CSMD1: variants seen among roughly 807,000 people sequenced by gnomAD.
CSMD1 encodes CUB and sushi domain-containing protein 1.
CSMD1 carries 213 observed loss-of-function variants against 417.5 expected under a neutral mutation model. That is an observed-to-expected ratio of 0.51 (90% CI 0.46 to 0.57). The LOEUF (loss-of-function observed/expected upper bound fraction) is 0.57. CSMD1 is among the 20% of genes least tolerant of loss of function. The pLI is 0.00. For synonymous variants in CSMD1, 2,862 were observed against 1,736.8 expected (o/e 1.65, Z -16.11); for missense variants, 6,923 against 4,529.7 (o/e 1.53, Z -15.17).
chr8:4,312,772 G>C (rs1285783469), intron 3 of CSMD1, among the ~76,000 whole-genome samples: 2 of 152,082 alleles, frequency 1.3e-5, no homozygotes, highest in Non-Finnish European at 2.9e-5. Context: ...TACTCCGGAG[G>C]CTGAAGCAGG....
intron 5 of CSMD1, among the ~76,000 whole-genome samples, chr8:3,944,497 T>C (rs965341087): frequency 2.0e-5 from 3 of 152,172 alleles, no homozygotes; most frequent in Non-Finnish European, 2.9e-5. Context: ...CAGATCACTT[T>C]AACCTTTAGA....
intron 3 of CSMD1, among the ~76,000 whole-genome samples, chr8:4,132,218 C>A (rs1233666412): frequency 3.2e-5 from 3 of 93,110 alleles, no homozygotes; most frequent in East Asian, 3.2e-4. Context: ...TTTTTTTTCA[C>A]GGGGTAGTAA....
At chr8:4,241,359 G>A (rs183498649) in intron 3 of CSMD1, among the ~76,000 whole-genome samples, 1 of 152,074 alleles carries the variant, frequency 6.6e-6, no homozygotes, top group Non-Finnish European at 1.5e-5. Flanking sequence ...TCTCACCTTC[G>A]AGTAGCAGGT....
intron 2 of CSMD1, among the ~76,000 whole-genome samples, chr8:4,572,501 G>A (rs1434108819): frequency 5.3e-5 from 8 of 152,156 alleles, no homozygotes; most frequent in South Asian, 2.1e-4. Flanking sequence ...TAGTCTGACG[G>A]GCTTGCCTTT....
At chr8:4,901,235 C>T (rs1804852757) in intron 1 of CSMD1, among the ~76,000 whole-genome samples, 1 of 152,134 alleles carries the variant, frequency 6.6e-6, no homozygotes, top group Non-Finnish European at 1.5e-5. Context: ...TCAGACGCTT[C>T]CTCAAAAGTT....
chr8:4,365,656 C>G (rs900677442), intron 3 of CSMD1, among the ~76,000 whole-genome samples: 3 of 152,272 alleles, frequency 2.0e-5, no homozygotes, highest in Admixed American at 6.5e-5. Flanking sequence ...ACAGTTGCTT[C>G]CTGTGGTTAA....
chr8:4,882,060 C>T (rs756334910), intron 1 of CSMD1, among the ~76,000 whole-genome samples: 1 of 151,988 alleles, frequency 6.6e-6, no homozygotes, highest in Non-Finnish European at 1.5e-5. Flanking sequence ...TTTCTGTTTT[C>T]TTATTTAGAA....
At chr8:3,584,457 G>C (rs145167807) in intron 9 of CSMD1, among the ~76,000 whole-genome samples, 174 of 152,216 alleles carry the variant, frequency 1.1e-3, no homozygotes, top group African/African-American at 4.1e-3. Context: ...GTGAGTAGCT[G>C]GGGGGTTGAG....
chr8:3,472,920 T>G (rs999827474), intron 11 of CSMD1, among the ~76,000 whole-genome samples: 5 of 152,052 alleles, frequency 3.3e-5, no homozygotes, highest in Admixed American at 3.3e-4. Flanking sequence ...TTCTTTGATG[T>G]TTTTCACACC....
At chr8:3,833,514 C>G (rs1050495768) in intron 5 of CSMD1, among the ~76,000 whole-genome samples, 1 of 152,028 alleles carries the variant, frequency 6.6e-6, no homozygotes, top group Non-Finnish European at 1.5e-5. Context: ...CATTCATATT[C>G]AGAATTTTTT....
At chr8:4,803,125 T>A (rs1190456067) in intron 1 of CSMD1, among the ~76,000 whole-genome samples, 2 of 152,134 alleles carry the variant, frequency 1.3e-5, no homozygotes, top group Non-Finnish European at 2.9e-5. Flanking sequence ...TGTATATGAT[T>A]TTTTTGCCCA....
intron 1 of CSMD1, among the ~76,000 whole-genome samples, chr8:4,845,534 C>T (rs1283930971): frequency 6.6e-6 from 1 of 152,236 alleles, no homozygotes; most frequent in African/African-American, 2.4e-5. Flanking sequence ...ATTTTGGCCA[C>T]TGTTGAACTT....
chr8:4,931,668 T>C (rs1437566149), intron 1 of CSMD1, among the ~76,000 whole-genome samples: 1 of 152,206 alleles, frequency 6.6e-6, no homozygotes, highest in Non-Finnish European at 1.5e-5. Context: ...GATACCTATT[T>C]GTGTTTAAGA....
intron 3 of CSMD1, among the ~76,000 whole-genome samples, chr8:4,096,411 G>C (rs922903486): frequency 1.3e-5 from 2 of 152,076 alleles, no homozygotes; most frequent in African/African-American, 4.8e-5. Context: ...CAGACATAGA[G>C]TGAAAACAGG....
chr8:3,257,417 G>T (rs897763880), intron 26 of CSMD1, among the ~76,000 whole-genome samples: 4 of 152,236 alleles, frequency 2.6e-5, no homozygotes, highest in Non-Finnish European at 5.9e-5. Context: ...TTTCCTTGTG[G>T]AGGTTAGATT....
chr8:2,964,390 T>C (rs1398080599), intron 59 of CSMD1, among the ~76,000 whole-genome samples: 1 of 152,192 alleles, frequency 6.6e-6, no homozygotes, highest in Non-Finnish European at 1.5e-5. Context: ...ATGCGTGTTC[T>C]GGCCCAAGGG....
intron 1 of CSMD1, among the ~76,000 whole-genome samples, chr8:4,747,069 T>G (rs965904124): frequency 6.6e-6 from 1 of 152,150 alleles, no homozygotes; most frequent in African/African-American, 2.4e-5. Flanking sequence ...CACCATCCTC[T>G]GGGGCTAGAG....
intron 1 of CSMD1, among the ~76,000 whole-genome samples, chr8:4,921,780 T>A (rs983552835): frequency 6.6e-6 from 1 of 152,162 alleles, no homozygotes; most frequent in Admixed American, 6.5e-5. Context: ...CCAGCCATTT[T>A]TTTCTTATAT....
chr8:4,111,279 G>A (rs752780588), intron 3 of CSMD1, among the ~76,000 whole-genome samples: 1 of 152,122 alleles, frequency 6.6e-6, no homozygotes, highest in Admixed American at 6.5e-5. Context: ...ATATAGATCA[G>A]TGAAATCTTA....
Sources: gnomAD v4.1 joint callset for allele counts (sites outside exome capture counted in the v4.1 genomes callset) on GRCh38, gnomAD v4.1.1 for gene constraint, MANE v1.5 for transcripts, NCBI Gene and HGNC (gene_info 2026-07-23, HGNC 2026-07-21) for gene names.